Variants in RAB42 observed in about 807,000 individuals in gnomAD.
The protein encoded by RAB42 is RAB42, member RAS oncogene family.
A neutral mutation model predicts 7.5 loss-of-function variants in RAB42; 4 were observed. The ratio of observed to expected loss-of-function variants is 0.53; its 90% CI spans 0.26 to 1.22. RAB42 has a LOEUF of 1.22. RAB42 is among the 50% of genes most tolerant of loss of function. The probability of loss-of-function intolerance (pLI) is 0.13; values close to 1 mark genes in which losing one functional copy is unlikely to be tolerated. For synonymous variants in RAB42, 82 were observed against 129.0 expected (o/e 0.64, Z 2.47); for missense variants, 208 against 281.2 (o/e 0.74, Z 1.86).
Position 28,595,183 on chromosome 1 carries a change from C to G in RAB42, c.*1066C>G, listed in dbSNP as rs1027810638. 7 of 167,028 alleles carry G rather than the reference C, an allele frequency of 4.2e-5. No homozygotes were observed. The highest frequency in any genetic ancestry group is 8.8e-5 in the Non-Finnish European group (6 of 68,134). 10.3% of individuals were successfully genotyped at this position (167,028 alleles called of 1,614,324 possible). A position where few individuals can be genotyped will look rare whatever the true frequency, so the allele number is the denominator to read the frequency against. On this transcript the variant is annotated 3_prime_UTR_variant, in exon 2 of 2. Coordinates refer to ENST00000465518, the MANE Select transcript of RAB42 (RefSeq NM_001193532.3). ...CACTGGATGATGGACTTCAGCTTGC[C>G]CCACTCTCTGGGAAAGGCCCTCCCT...
chr1:28,592,470 C>T lies in RAB42; in HGVS notation c.-42C>T. 2.8e-6 allele frequency: 3 copies of T among 1,083,280 alleles called. No homozygotes were observed. Among genetic ancestry groups the T allele is most frequent in the Non-Finnish European group, 3.5e-6 (3 of 867,716 alleles). 67.1% of individuals were successfully genotyped at this position (1,083,280 alleles called of 1,614,324 possible). ...CCCGGGCAGGGGCGGGGTCGGGGCG[C>T]GGACAAAACCGCCGCGGGGCGGCGG... On this transcript the variant is annotated 5_prime_UTR_variant, in exon 1 of 2. Coordinates refer to ENST00000465518, the MANE Select transcript of RAB42 (RefSeq NM_001193532.3). The surrounding 1 kb of genome is among the most constrained non-coding windows in gnomAD (Gnocchi z 4.1).
Position 28,594,176 on chromosome 1 carries a change from G to A in RAB42, c.*59G>A. The A allele has an allele frequency of 6.9e-7, 1 of 1,439,426 alleles. No individual in the cohort carries two copies. The highest frequency in any genetic ancestry group is 2.3e-5 in the East Asian group (1 of 42,676). 89.2% of individuals were successfully genotyped at this position (1,439,426 alleles called of 1,614,324 possible). A position where few individuals can be genotyped will look rare whatever the true frequency, so the allele number is the denominator to read the frequency against. ...CTTAGCCCACCTGGTGGGATGGGGAGTGTTAATATCTCTCTGGAGGACAAA... is the reference window on the plus strand; with the variant it reads ...CTTAGCCCACCTGGTGGGATGGGGAATGTTAATATCTCTCTGGAGGACAAA... On this transcript the variant is annotated 3_prime_UTR_variant, in exon 2 of 2. Transcript: ENST00000465518.
chr1:28,596,435 A>G (rs142511127), downstream of RAB42, among the ~76,000 whole-genome samples: 250 of 152,250 alleles, frequency 1.6e-3, 2 homozygotes, highest in East Asian at 0.039. Context: ...AGCCTGGCCA[A>G]CATTGGTGAA....
downstream of RAB42, among the ~76,000 whole-genome samples, chr1:28,595,711 A>G (rs1666422447): frequency 1.3e-5 from 2 of 152,076 alleles, no homozygotes; most frequent in African/African-American, 4.8e-5. Flanking sequence ...GTTCGAGACC[A>G]GTATGGCCAA....
chr1:28,592,703 C>T lies in RAB42; in HGVS notation c.192C>T (p.Val64=). Residue 64 remains valine, a synonymous_variant, in exon 1 of 2, where the codon GTC becomes GTT. Transcript: ENST00000465518. This position sits in a 1 kb window ranked among gnomAD's most constrained non-coding sequence, Gnocchi z 4.1. ...RALQLRAGPR[V]KLQLWDTAGH... ...TGCAGCTGCGGGCCGGGCCGCGGGTCAAGCTGCAACTCTGGGACACCGCGG... is the reference window on the plus strand; with the variant it reads ...TGCAGCTGCGGGCCGGGCCGCGGGTTAAGCTGCAACTCTGGGACACCGCGG... The T allele has an allele frequency of 8.1e-7, 1 of 1,229,962 alleles. No individual in the cohort carries two copies. The highest frequency in any genetic ancestry group is 4.1e-5 in the South Asian group (1 of 24,274). 76.2% of individuals were successfully genotyped at this position (1,229,962 alleles called of 1,614,324 possible). A position where few individuals can be genotyped will look rare whatever the true frequency, so the allele number is the denominator to read the frequency against.
rs553426672 is a variant in RAB42 at position 28,593,781 on chromosome 1, A to C, written c.321A>C (p.Gln107His). 1.2e-5 allele frequency: 19 copies of C among 1,552,658 alleles called. No individual in the cohort carries two copies. In the African/African-American group the frequency reaches 2.5e-4, roughly 20 times the overall value. Residue 107 changes from glutamine to histidine, a missense_variant, in exon 2 of 2, where the codon CAA (glutamine) becomes CAC (histidine). Transcript: ENST00000465518. ...ACAGGAAGTCCTTTGAACACATCCA[A>C]GACTGGCACCAGGAGGTCATGGCCA... ...VTNRKSFEHIQDWHQEVMATQ... is the reference protein window; with the variant it reads ...VTNRKSFEHIHDWHQEVMATQ...
In RAB42 at chr1:28,594,818, A is replaced by G. The variant is rs1666405316; in HGVS notation, c.*701A>G. On this transcript the variant is annotated 3_prime_UTR_variant, in exon 2 of 2. Transcript: ENST00000465518. ...TTGGCTGCGATGTGGCCACTCTGGCAGCATTCCTGGGCTCAGACACTGAGA... is the reference window on the plus strand; with the variant it reads ...TTGGCTGCGATGTGGCCACTCTGGCGGCATTCCTGGGCTCAGACACTGAGA... The G allele has an allele frequency of 1.2e-5, 2 of 167,258 alleles. No individual in the cohort carries two copies. The highest frequency in any genetic ancestry group is 3.4e-3 in the Middle Eastern group (1 of 296). The allele number at this position is 167,258 out of a possible 1,614,324, so 10.4% of individuals were successfully genotyped here.
At chr1:28,593,204 C>A (rs1041073575) in intron 1 of RAB42, among the ~76,000 whole-genome samples, 6 of 151,282 alleles carry the variant, frequency 4.0e-5, no homozygotes, top group African/African-American at 1.2e-4. Flanking sequence ...AGACTTTTTT[C>A]TTTTCTTTTT....
chr1:28,593,644 G>A, intron 1 of RAB42, 50 bp from the exon 2 acceptor site: 2 of 1,488,020 alleles, frequency 1.3e-6, no homozygotes, highest in East Asian at 2.5e-5. Context: ...GGGGTGTCAT[G>A]GAGGCATCAG....
chr1:28,595,991 G>A (rs1666427639), downstream of RAB42, among the ~76,000 whole-genome samples: 1 of 152,146 alleles, frequency 6.6e-6, no homozygotes, highest in African/African-American at 2.4e-5. Flanking sequence ...TTGAGCCTTG[G>A]TTTCCTCCTC....
Position 28,593,829 on chromosome 1 carries a change from C to T in RAB42, c.369C>T (p.Ile123=), listed in dbSNP as rs745310965. 1 of 1,578,032 alleles carries T rather than the reference C, an allele frequency of 6.3e-7. No individual in the cohort carries two copies. The highest frequency in any genetic ancestry group is 8.6e-7 in the Non-Finnish European group (1 of 1,162,270). Residue 123 remains isoleucine (I), a synonymous_variant, in exon 2 of 2, where the codon ATC becomes ATT. Coordinates refer to ENST00000465518, the MANE Select transcript of RAB42 (RefSeq NM_001193532.3). ...CCACTCAGGGCCCGGACAAGGTCATCTTCCTGCTGGTTGGCCACAAGAGTG... is the reference window on the plus strand; with the variant it reads ...CCACTCAGGGCCCGGACAAGGTCATTTTCCTGCTGGTTGGCCACAAGAGTG... The part of the protein sequence containing the change: ...VMATQGPDKV[I]FLLVGHKSDL...
chr1:28,594,574 CAAA>C lies in RAB42; in HGVS notation c.*467_*469del, dbSNP rs1224515247. The C allele has an allele frequency of 2.1e-5, 3 of 142,514 alleles. No individual in the cohort carries two copies. 8.8% of individuals were successfully genotyped at this position (142,514 alleles called of 1,614,324 possible). On this transcript the variant is annotated 3_prime_UTR_variant, in exon 2 of 2. Transcript: ENST00000465518. The stretch of plus-strand genomic sequence containing the variant: ...TGGGCAACAGAGTGAGACTCTGTTT[CAAA>C]AAAAAAAAAGAAAAGAAAAGAAAGG...
downstream of RAB42, among the ~76,000 whole-genome samples, chr1:28,596,445 A>C (rs1192554556): frequency 3.3e-5 from 5 of 152,134 alleles, no homozygotes; most frequent in East Asian, 9.6e-4. Flanking sequence ...ACATTGGTGA[A>C]ACCCTGTCTC....
chr1:28,594,049 C>T lies in RAB42; in HGVS notation c.589C>T (p.Leu197Phe), dbSNP rs745999616. Reference protein sequence around the residue: ...KLEEGWGGVRLIHKTQIPRSP... With the variant: ...KLEEGWGGVRFIHKTQIPRSP... ...AGAAGAGGGCTGGGGGGGTGTCCGG[C>T]TCATCCACAAGACCCAAATCCCCAG... Residue 197 changes from leucine to phenylalanine, a missense_variant, in exon 2 of 2, where the codon CTC (leucine) becomes TTC (phenylalanine). Transcript: ENST00000465518. 32 of 1,613,332 alleles carry T rather than the reference C, an allele frequency of 2.0e-5. No homozygotes were observed. Among genetic ancestry groups the T allele is most frequent in the Non-Finnish European group, 2.6e-5 (31 of 1,179,552 alleles).
At chr1:28,595,913 C>T (rs538118244), downstream of RAB42, among the ~76,000 whole-genome samples, 3 of 152,002 alleles carry the variant, frequency 2.0e-5, no homozygotes, top group Admixed American at 2.0e-4. Context: ...CACTCCGTCT[C>T]ATAAAAAAAG....
rs907834656 is a variant in RAB42, at chr1:28,592,795, C to T, written c.233+51C>T. On this transcript the variant is annotated intron_variant, in intron 1 of 1. Transcript: ENST00000465518. The surrounding 1 kb of genome is among the most constrained non-coding windows in gnomAD (Gnocchi z 4.1). ...GACTTCTGGTGGGGGGCTCGGTGAG[C>T]GTGCTTTAGGCCACGGCAACTCCCG... is the stretch of plus-strand genomic sequence containing the variant. 3 of 962,740 alleles carry T rather than the reference C, an allele frequency of 3.1e-6. No individual in the cohort carries two copies. The highest frequency in any genetic ancestry group is 4.0e-6 in the Non-Finnish European group (3 of 743,162). 59.6% of individuals were successfully genotyped at this position (962,740 alleles called of 1,614,324 possible).
At chr1:28,595,504 A>G (rs1324346566), downstream of RAB42, 7 of 165,102 alleles carry the variant, frequency 4.2e-5, no homozygotes, top group African/African-American at 7.2e-5. Flanking sequence ...CTAGGCAGGG[A>G]ATGTCCTGGG....
At chr1:28,596,171 T>TG (rs1265317587), downstream of RAB42, among the ~76,000 whole-genome samples, 1 of 151,978 alleles carries the variant, frequency 6.6e-6, no homozygotes, top group Non-Finnish European at 1.5e-5. Context: ...TTTTATTTTG[T>TG]GGGGGGTGGG....
At position 28,593,937 on chromosome 1, in the gene RAB42, G is replaced by A. The variant is rs551662559; in HGVS notation, c.477G>A (p.Ser159=). 13 of 1,613,826 alleles carry A rather than the reference G, an allele frequency of 8.1e-6. No individual in the cohort carries two copies. Among genetic ancestry groups the A allele is most frequent in the African/African-American group, 8.0e-5 (6 of 75,014 alleles). The stretch of plus-strand genomic sequence containing the variant: ...TGGGCATGGCCTTCGTGGAGACCTC[G>A]GTTAAAAACAACTGCAATGTGGACC... ...ASLGMAFVET[S]VKNNCNVDLA... The change falls in exon 2 of 2, where the codon TCG becomes TCA. Residue 159 remains serine, a synonymous_variant. Coordinates refer to ENST00000465518, the MANE Select transcript of RAB42 (RefSeq NM_001193532.3).
Sources: allele counts gnomAD v4.1 joint callset (sites outside exome capture counted in the v4.1 genomes callset), GRCh38; gene constraint gnomAD v4.1.1; non-coding constraint Gnocchi (gnomAD v3.1); transcripts MANE v1.5; gene names NCBI Gene and HGNC (gene_info 2026-07-23, HGNC 2026-07-21).